The following TMEM207 variants were observed in gnomAD, a reference collection of about 807,000 sequenced individuals.
TMEM207 encodes SRSR846.
TMEM207 carries 15 observed loss-of-function variants against 17.4 expected under a neutral mutation model. The ratio of observed to expected loss-of-function variants is 0.86; its 90% CI spans 0.58 to 1.33. The LOEUF is 1.33. Among genes scored for constraint, TMEM207 ranks in the 40% most tolerant of loss-of-function variants. The pLI is 0.00. For missense variants in TMEM207, 205 were observed against 173.8 expected (o/e 1.18, Z -1.01); for synonymous variants, 70 against 65.6 (o/e 1.07, Z -0.33).
At chr3:190,448,955 C>CT (rs1333686551) in intron 1 of TMEM207, among the ~76,000 whole-genome samples, 3 of 152,072 alleles carry the variant, frequency 2.0e-5, no homozygotes, top group African/African-American at 7.2e-5. Context: ...GATTTGCATA[C>CT]TAAGTGAAAG....
intron 4 of TMEM207, among the ~76,000 whole-genome samples, chr3:190,437,095 A>G (rs1455840600): frequency 1.3e-5 from 2 of 152,240 alleles, no homozygotes; most frequent in African/African-American, 2.4e-5. Flanking sequence ...CTCAGGATGG[A>G]AGAGTTTAAA....
intron 2 of TMEM207, among the ~76,000 whole-genome samples, chr3:190,445,560 C>T (rs1191087359): frequency 6.6e-6 from 1 of 152,210 alleles, no homozygotes; most frequent in Non-Finnish European, 1.5e-5. Flanking sequence ...GAGTCTCGCT[C>T]TGTTACCCAG....
chr3:190,442,157 A>G (rs1028622681), intron 2 of TMEM207, among the ~76,000 whole-genome samples: 1 of 152,212 alleles, frequency 6.6e-6, no homozygotes, highest in Non-Finnish European at 1.5e-5. Flanking sequence ...TTTGGGAGGT[A>G]TAACTCCGTA....
chr3:190,446,395 A>C lies in TMEM207; in HGVS notation c.113+1395T>G, dbSNP rs962968394. 3.9e-5 allele frequency among the ~76,000 whole-genome samples: 6 copies of C among 152,140 alleles called. No homozygotes were observed. In the East Asian group the frequency reaches 1.2e-3, roughly 29 times the overall value. ...GTCTTGCGATAACAAAAGATTTGAG[A>C]TATTGTGCACGTCTTCAATACATTT... On this transcript the variant is annotated intron_variant, in intron 2 of 4. Coordinates refer to ENST00000354905, the MANE Select transcript of TMEM207 (RefSeq NM_207316.3).
In TMEM207 at chr3:190,449,886, C is replaced by T. The variant is rs959003851; in HGVS notation, c.-77G>A. On this transcript the variant is annotated 5_prime_UTR_variant, in exon 1 of 5. Coordinates refer to ENST00000354905, the MANE Select transcript of TMEM207 (RefSeq NM_207316.3). The stretch of plus-strand genomic sequence containing the variant: ...CTTCTTTCTCAGAACTTACTAGCTT[C>T]TCTATAAGTTATGCTTCCTACCAGG... 3.0e-6 allele frequency: 4 copies of T among 1,326,824 alleles called. No individual in the cohort carries two copies. Among genetic ancestry groups the T allele is most frequent in the Admixed American group, 3.4e-5 (2 of 58,286 alleles). 82.2% of individuals were successfully genotyped at this position (1,326,824 alleles called of 1,614,324 possible). A position where few individuals can be genotyped will look rare whatever the true frequency, so the allele number is the denominator to read the frequency against.
At chr3:190,432,724 T>C (rs1446906364) in intron 4 of TMEM207, among the ~76,000 whole-genome samples, 1 of 152,114 alleles carries the variant, frequency 6.6e-6, no homozygotes, top group Non-Finnish European at 1.5e-5. Context: ...AGCCCTCCTA[T>C]TTCTCCCCAG....
At chr3:190,442,482 A>C (rs1208282995) in intron 2 of TMEM207, among the ~76,000 whole-genome samples, 1 of 152,234 alleles carries the variant, frequency 6.6e-6, no homozygotes, top group Non-Finnish European at 1.5e-5. Flanking sequence ...AATGACTTTT[A>C]ACATATGTGA....
chr3:190,440,308 G>C lies in TMEM207; in HGVS notation c.240C>G (p.Pro80=). The part of the protein sequence containing the change: ...VLCLQCWLRR[P]RIDSHRRTMA... ...TGGTGCGCCTGTGAGAATCAATTCG[G>C]GGTCTCCTCAGCCAGCACTGGAGGC... The change falls in exon 4 of 5, where the codon CCC becomes CCG. Residue 80 remains proline (P), a synonymous_variant. Transcript: ENST00000354905. 6.2e-7 allele frequency: 1 copy of C among 1,613,988 alleles called. No homozygotes were observed. The highest frequency in any genetic ancestry group is 2.2e-5 in the East Asian group (1 of 44,864).
At chr3:190,429,773 C>A in intron 4 of TMEM207, 42 bp from the exon 5 acceptor site, 2 of 1,539,728 alleles carry the variant, frequency 1.3e-6, no homozygotes, top group Non-Finnish European at 1.7e-6. Context: ...TTCTAGTGAG[C>A]ATAAAACATA....
chr3:190,441,932 A>G (rs1291121817), intron 2 of TMEM207, among the ~76,000 whole-genome samples: 1 of 152,212 alleles, frequency 6.6e-6, no homozygotes, highest in Non-Finnish European at 1.5e-5. Context: ...GAGGCATTGG[A>G]CAACTGTTTG....
intron 4 of TMEM207, among the ~76,000 whole-genome samples, chr3:190,436,811 C>A (rs771006539): frequency 1.3e-5 from 2 of 152,088 alleles, no homozygotes; most frequent in Non-Finnish European, 2.9e-5. Context: ...GATGGGAGAT[C>A]ACCACTTCCT....
intron 4 of TMEM207, among the ~76,000 whole-genome samples, chr3:190,439,081 G>T (rs1242425929): frequency 6.6e-6 from 1 of 151,434 alleles, no homozygotes; most frequent in Non-Finnish European, 1.5e-5. Flanking sequence ...GGAGGCTGAG[G>T]CAGGAGAATG....
At position 190,429,020 on chromosome 3, in the gene TMEM207, T is replaced by C. The variant is rs1433336562; in HGVS notation, c.*575A>G. 1 of 141,196 alleles carries C rather than the reference T, an allele frequency of 7.1e-6. No homozygotes were observed. Among genetic ancestry groups the C allele is most frequent in the Admixed American group, 6.8e-5 (1 of 14,684 alleles). The allele number at this position is 141,196 out of a possible 1,614,324, so 8.7% of individuals were successfully genotyped here. On this transcript the variant is annotated 3_prime_UTR_variant, in exon 5 of 5. Transcript: ENST00000354905. ...TATCTACAATTTCTTCCTCTTCAGG[T>C]TGGGGCATAAAACCTCTTGTTTTTG...
chr3:190,441,644 A>C (rs996079945), intron 2 of TMEM207, among the ~76,000 whole-genome samples, 162 bp from the exon 3 acceptor site: 2 of 152,196 alleles, frequency 1.3e-5, no homozygotes, highest in Non-Finnish European at 2.9e-5. Flanking sequence ...AATTATGCAA[A>C]TGTTTATGCC....
chr3:190,445,211 A>G (rs1289848502), intron 2 of TMEM207, among the ~76,000 whole-genome samples: 2 of 152,190 alleles, frequency 1.3e-5, no homozygotes, highest in African/African-American at 2.4e-5. Context: ...TATCAATGCA[A>G]TTAATTTACA....
intron 4 of TMEM207, among the ~76,000 whole-genome samples, chr3:190,437,026 A>G (rs897623568): frequency 3.9e-5 from 6 of 152,228 alleles, no homozygotes; most frequent in African/African-American, 1.4e-4. Flanking sequence ...ACACACAAAA[A>G]AAGATAAATA....
At position 190,429,619 on chromosome 3, in the gene TMEM207, A is replaced by T. The variant is rs964123580; in HGVS notation, c.417T>A (p.Tyr139Ter). The T allele has an allele frequency of 1.2e-6, 2 of 1,613,412 alleles. No individual in the cohort carries two copies. The highest frequency in any genetic ancestry group is 1.3e-5 in the African/African-American group (1 of 74,862). ...CFGPLGSPPP[Y>*]EEIVKTT ...ATCAGGTTGTTTTTACAATTTCTTC[A>T]TATGGAGGTGGGGAGCCTAAAGGGC... Residue 139 changes from tyrosine to a stop codon, truncating the protein, a stop_gained, in exon 5 of 5, where the codon TAT (tyrosine) becomes TAA (stop). Coordinates refer to ENST00000354905, the MANE Select transcript of TMEM207 (RefSeq NM_207316.3). LOFTEE classifies it high-confidence loss of function.
At chr3:190,434,638 A>G (rs1428032731) in intron 4 of TMEM207, among the ~76,000 whole-genome samples, 2 of 152,246 alleles carry the variant, frequency 1.3e-5, no homozygotes, top group African/African-American at 4.8e-5. Context: ...AATTACCTCA[A>G]CACAGATACT....
intron 2 of TMEM207, among the ~76,000 whole-genome samples, chr3:190,447,505 A>C (rs577544571): frequency 2.2e-4 from 33 of 152,308 alleles, no homozygotes; most frequent in Admixed American, 1.4e-3. Flanking sequence ...TTATGAACTT[A>C]AAGTACCCTT....
Sources: gnomAD v4.1 joint callset for allele counts (sites outside exome capture counted in the v4.1 genomes callset) on GRCh38, gnomAD v4.1.1 for gene constraint, MANE v1.5 for transcripts, NCBI Gene and HGNC (gene_info 2026-07-23, HGNC 2026-07-21) for gene names.